AGBL1: variants seen among roughly 807,000 people sequenced by gnomAD.
AGBL1 encodes cytosolic carboxypeptidase 4.
AGBL1 carries 130 observed loss-of-function variants against 118.9 expected under a neutral mutation model. That is an observed-to-expected ratio of 1.09 (90% CI 0.95 to 1.26). The LOEUF (loss-of-function observed/expected upper bound fraction) is 1.26. Ranked by LOEUF, AGBL1 falls within the 50% of genes most tolerant of loss-of-function variation. The probability of loss-of-function intolerance (pLI) is 0.00; values close to 1 mark genes in which losing one functional copy is unlikely to be tolerated. For synonymous variants in AGBL1, 555 were observed against 478.9 expected (o/e 1.16, Z -2.08); for missense variants, 1,584 against 1,298.1 (o/e 1.22, Z -3.38).
chr15:86,649,628 G>A (rs10520635), intron 21 of AGBL1, among the ~76,000 whole-genome samples: 39,228 of 151,158 alleles, frequency 0.26, 5,285 homozygotes, highest in East Asian at 0.42. Flanking sequence ...TTCTGCATAA[G>A]AAAAAATGGT....
chr15:86,418,020 A>C (rs1377486605), intron 18 of AGBL1, among the ~76,000 whole-genome samples: 1 of 152,226 alleles, frequency 6.6e-6, no homozygotes, highest in East Asian at 1.9e-4. Flanking sequence ...AGATGGATCA[A>C]GTCTTGAATC....
At chr15:86,447,070 T>TA (rs144141726) in intron 18 of AGBL1, among the ~76,000 whole-genome samples, 6,391 of 152,278 alleles carry the variant, frequency 0.042, 194 homozygotes, top group South Asian at 0.097. Flanking sequence ...TCTGAATTTT[T>TA]TGTTTATCTG....
chr15:86,940,979 G>A (rs1419487132), intron 23 of AGBL1, among the ~76,000 whole-genome samples: 1 of 152,134 alleles, frequency 6.6e-6, no homozygotes, highest in Non-Finnish European at 1.5e-5. Context: ...ATGAAGTGTT[G>A]CCCAATTCTA....
chr15:86,994,534 C>T (rs1477908592), intron 24 of AGBL1, among the ~76,000 whole-genome samples: 2 of 152,078 alleles, frequency 1.3e-5, no homozygotes, highest in African/African-American at 4.8e-5. Context: ...AGTGGTTGGT[C>T]GTCTTGGAAA....
In AGBL1 at chr15:86,558,680, T is replaced by A. The variant is rs1345228842; in HGVS notation, c.2994+4143T>A. Among the ~76,000 whole-genome samples the A allele has an allele frequency of 2.6e-5, 4 of 152,190 alleles. No homozygotes were observed. In the East Asian group the frequency reaches 7.7e-4, roughly 29 times the overall value. On this transcript the variant is annotated intron_variant, in intron 21 of 22. Coordinates refer to ENST00000614907, the MANE Select transcript of AGBL1 (RefSeq NM_001386094.1). ...ACTTAAATTGTTGGAGATGGTTTAG[T>A]GGGGATGAGTTTCATATAGGAAATT...
chr15:86,833,133 T>A (rs2079128612), intron 22 of AGBL1, among the ~76,000 whole-genome samples: 2 of 152,114 alleles, frequency 1.3e-5, no homozygotes, highest in African/African-American at 4.8e-5. Context: ...TCGCATTGGG[T>A]TCCTCTCATG....
At chr15:86,749,679 C>A (rs564545361) in intron 22 of AGBL1, among the ~76,000 whole-genome samples, 46 of 152,172 alleles carry the variant, frequency 3.0e-4, no homozygotes, top group South Asian at 1.2e-3. Context: ...TTTTGAGATA[C>A]ATCCATCAAT....
chr15:86,610,123 C>T (rs985667286), intron 21 of AGBL1, among the ~76,000 whole-genome samples: 7 of 152,062 alleles, frequency 4.6e-5, no homozygotes, highest in Non-Finnish European at 5.9e-5. Context: ...ATTTGACTAC[C>T]GGTTTAAAAA....
chr15:86,861,774 T>C (rs1216112268), intron 22 of AGBL1, among the ~76,000 whole-genome samples: 1 of 152,236 alleles, frequency 6.6e-6, no homozygotes, highest in East Asian at 1.9e-4. Flanking sequence ...GAGACTGATG[T>C]GTTTGAAATG....
At chr15:86,981,038 T>C (rs2081227496) in intron 23 of AGBL1, among the ~76,000 whole-genome samples, 1 of 151,926 alleles carries the variant, frequency 6.6e-6, no homozygotes, top group Non-Finnish European at 1.5e-5. Context: ...AGGCGCACGC[T>C]GCCACCCCTG....
intron 18 of AGBL1, among the ~76,000 whole-genome samples, chr15:86,401,154 G>A (rs2141996459): frequency 6.6e-6 from 1 of 152,148 alleles, no homozygotes; most frequent in Admixed American, 6.5e-5. Context: ...GACAATTGTT[G>A]CAGAAGTAAG....
At chr15:86,336,994 G>A (rs2080380990) in intron 17 of AGBL1, among the ~76,000 whole-genome samples, 2 of 152,210 alleles carry the variant, frequency 1.3e-5, no homozygotes, top group African/African-American at 2.4e-5. Flanking sequence ...TTTCTAGAGT[G>A]TTAGGAAGCA....
intron 18 of AGBL1, among the ~76,000 whole-genome samples, chr15:86,412,201 A>T (rs189179059): frequency 6.6e-6 from 1 of 152,158 alleles, no homozygotes; most frequent in Non-Finnish European, 1.5e-5. Flanking sequence ...ATTCACCCTA[A>T]CATCCGTGGA....
intron 16 of AGBL1, among the ~76,000 whole-genome samples, chr15:86,293,105 A>G (rs2079573338): frequency 6.6e-6 from 1 of 152,212 alleles, no homozygotes; most frequent in African/African-American, 2.4e-5. Context: ...TCAGTAGAGT[A>G]TAAATAGGTT....
chr15:86,446,657 G>A (rs1434147615), intron 18 of AGBL1, among the ~76,000 whole-genome samples: 2 of 152,178 alleles, frequency 1.3e-5, no homozygotes, highest in African/African-American at 4.8e-5. Flanking sequence ...TACCCAGGAG[G>A]ATAGATTTCG....
intron 23 of AGBL1, chr15:86,939,685 G>A (rs2141651179): frequency 6.6e-6 from 1 of 152,292 alleles, no homozygotes; most frequent in Non-Finnish European, 1.5e-5. Context: ...ATGTTTCCCT[G>A]CAGATATGCC....
intron 17 of AGBL1, among the ~76,000 whole-genome samples, chr15:86,304,507 A>C (rs182672452): frequency 5.7e-4 from 87 of 152,226 alleles, no homozygotes; most frequent in African/African-American, 2.1e-3. Context: ...AGCACAGACT[A>C]TATGTTGTAT....
rs147650540 is a variant in AGBL1 at position 86,202,050 on chromosome 15, T to C, written c.489-22864T>C. ...CCTGTAATCCTGTAATCCCAGCACT[T>C]TGGGAGACCAAGTGGGTGGATCACT... On this transcript the variant is annotated intron_variant, in intron 5 of 22. Coordinates refer to ENST00000614907, the MANE Select transcript of AGBL1 (RefSeq NM_001386094.1). Among the ~76,000 whole-genome samples, 402 of 152,170 alleles carry C rather than the reference T, an allele frequency of 2.6e-3. 1 individual carries two copies. The highest frequency in any genetic ancestry group is 9.3e-3 in the African/African-American group (384 of 41,506).
chr15:86,420,114 A>G (rs982292456), intron 18 of AGBL1, among the ~76,000 whole-genome samples: 17 of 152,296 alleles, frequency 1.1e-4, no homozygotes, highest in Admixed American at 7.8e-4. Flanking sequence ...CTAGATTTCT[A>G]CTAAGGAACA....
Sources: gnomAD v4.1 joint callset for allele counts (sites outside exome capture counted in the v4.1 genomes callset) on GRCh38, gnomAD v4.1.1 for gene constraint, MANE v1.5 for transcripts, NCBI Gene and HGNC (gene_info 2026-07-23, HGNC 2026-07-21) for gene names.